PHF20: variants seen among roughly 807,000 people sequenced by gnomAD.
The protein encoded by PHF20 is PHD finger protein 20, also known as glioma-expressed antigen 2.
Under a neutral mutation model 113.5 loss-of-function variants are expected in PHF20, and 23 were observed. That is an observed-to-expected ratio of 0.20 (90% CI 0.15 to 0.29). The LOEUF is 0.29. Ranked by LOEUF, PHF20 falls within the 10% of genes least tolerant of loss-of-function variation. The pLI is 1.00. For missense variants in PHF20, 943 were observed against 1,219.6 expected (o/e 0.77, Z 3.38); for synonymous variants, 434 against 457.3 (o/e 0.95, Z 0.65).
At chr20:35,928,141 T>TA (rs972272701) in intron 14 of PHF20, among the ~76,000 whole-genome samples, 6 of 151,806 alleles carry the variant, frequency 4.0e-5, no homozygotes, top group African/African-American at 1.2e-4. Flanking sequence ...AATTATGGTT[T>TA]AAAAAAAATG....
At chr20:35,884,158 T>G (rs1239763647) in intron 9 of PHF20, among the ~76,000 whole-genome samples, 4 of 152,190 alleles carry the variant, frequency 2.6e-5, no homozygotes, top group Non-Finnish European at 5.9e-5. Context: ...CAGGAATGTA[T>G]TAACGTAAGT....
intron 14 of PHF20, among the ~76,000 whole-genome samples, chr20:35,930,041 G>A (rs2055721713): frequency 6.6e-6 from 1 of 152,214 alleles, no homozygotes; most frequent in African/African-American, 2.4e-5. Context: ...AGGTCATGTT[G>A]ATAAGTCACA....
rs1406541810 is a variant in PHF20, at chr20:35,949,639, T to G, written c.*2012T>G. ...CAAGTTCTTATAACCTCATTGTGCT[T>G]CCCTAATTTAAAGCCATGTTGAGGG... On this transcript the variant is annotated 3_prime_UTR_variant, in exon 18 of 18. Transcript: ENST00000374012. 2.6e-5 allele frequency: 4 copies of G among 152,764 alleles called. No individual in the cohort carries two copies. The East Asian group carries it at 7.7e-4, about 29-fold the overall frequency. The allele number at this position is 152,764 out of a possible 1,614,324, so 9.5% of individuals were successfully genotyped here.
chr20:35,862,990 C>A, intron 5 of PHF20, 23 bp from the exon 6 acceptor site: 1 of 1,534,880 alleles, frequency 6.5e-7, no homozygotes, highest in South Asian at 1.3e-5. Context: ...CGAAGTGTTT[C>A]ATCGCTATTT....
intron 1 of PHF20, among the ~76,000 whole-genome samples, chr20:35,784,429 A>G (rs374222557): frequency 7.0e-5 from 10 of 141,852 alleles, no homozygotes; most frequent in African/African-American, 2.0e-4. Context: ...AAATATCCCA[A>G]AGACTTTTTT....
At chr20:35,878,760 A>G in intron 9 of PHF20, 1 of 716,898 alleles carries the variant, frequency 1.4e-6, no homozygotes, top group Non-Finnish European at 2.5e-6. Context: ...TTGCTCTTGT[A>G]GGAGGAGCTT....
At position 35,931,376 on chromosome 20, in the gene PHF20, G is replaced by A; in HGVS notation, c.2232G>A (p.Gln744=). Reference sequence around the variant, plus strand: ...CCAAGAAGATCGTGGCCACCCACCAGCTTCTTGGTGATGTGCAGAGAGTGA... The same window carrying A: ...CCAAGAAGATCGTGGCCACCCACCAACTTCTTGGTGATGTGCAGAGAGTGA... ...QNAKKIVATH[Q]LLGDVQRVIE... is the part of the protein sequence containing the mutation. Residue 744 remains glutamine (Q), a synonymous_variant, in exon 15 of 18, where the codon CAG becomes CAA. Coordinates refer to ENST00000374012, the MANE Select transcript of PHF20 (RefSeq NM_016436.5). 6.2e-7 allele frequency: 1 copy of A among 1,614,072 alleles called. No individual in the cohort carries two copies. The highest frequency in any genetic ancestry group is 8.5e-7 in the Non-Finnish European group (1 of 1,180,022).
chr20:35,779,642 C>G (rs982759978), intron 1 of PHF20, among the ~76,000 whole-genome samples: 2 of 152,032 alleles, frequency 1.3e-5, no homozygotes, highest in African/African-American at 4.8e-5. Flanking sequence ...GCCTCAGCCT[C>G]CTGAGTAGCT....
At chr20:35,880,857 G>A (rs1458663947) in intron 9 of PHF20, among the ~76,000 whole-genome samples, 3 of 152,046 alleles carry the variant, frequency 2.0e-5, no homozygotes, top group Non-Finnish European at 4.4e-5. Context: ...CTACTCGAGA[G>A]GCTGAGGCAG....
intron 15 of PHF20, among the ~76,000 whole-genome samples, chr20:35,936,708 G>A (rs970106852): frequency 6.6e-6 from 1 of 152,092 alleles, no homozygotes; most frequent in Non-Finnish European, 1.5e-5. Context: ...GGTAATCATT[G>A]CATTTTTGTA....
At chr20:35,889,902 A>AT (rs1159626114) in intron 9 of PHF20, among the ~76,000 whole-genome samples, 1 of 150,104 alleles carries the variant, frequency 6.7e-6, no homozygotes, top group Non-Finnish European at 1.5e-5. Context: ...TAATTTTTGT[A>AT]TTTTTTGGTA....
chr20:35,796,562 G>A (rs1228459753), intron 1 of PHF20, among the ~76,000 whole-genome samples: 1 of 152,150 alleles, frequency 6.6e-6, no homozygotes, highest in East Asian at 1.9e-4. Context: ...TAGTGTACCT[G>A]TTTCCCCACA....
At chr20:35,859,944 C>T (rs1225701249) in intron 5 of PHF20, among the ~76,000 whole-genome samples, 2 of 151,664 alleles carry the variant, frequency 1.3e-5, no homozygotes, top group Admixed American at 6.6e-5. Context: ...TTTTTGAGAC[C>T]GAGTCTCTGT....
intron 2 of PHF20, among the ~76,000 whole-genome samples, chr20:35,810,629 G>C (rs550861773): frequency 1.3e-5 from 2 of 152,220 alleles, no homozygotes; most frequent in Admixed American, 6.6e-5. Context: ...ACAGTGGTAG[G>C]ACTAGGGTTT....
chr20:35,807,725 T>A (rs1446106481), intron 2 of PHF20, among the ~76,000 whole-genome samples: 1 of 152,206 alleles, frequency 6.6e-6, no homozygotes, highest in East Asian at 1.9e-4. Flanking sequence ...AAATTCAGTA[T>A]GTGGATTTTA....
chr20:35,802,302 T>C (rs181593983), intron 2 of PHF20, among the ~76,000 whole-genome samples: 1 of 152,138 alleles, frequency 6.6e-6, no homozygotes, highest in East Asian at 1.9e-4. Flanking sequence ...TTTTTGGTGC[T>C]CAAGGTGAGC....
chr20:35,864,667 A>G (rs533060363), intron 6 of PHF20, among the ~76,000 whole-genome samples: 2 of 152,102 alleles, frequency 1.3e-5, no homozygotes, highest in Non-Finnish European at 2.9e-5. Flanking sequence ...GAAATAAGGG[A>G]TCTTTCCCTG....
intron 1 of PHF20, among the ~76,000 whole-genome samples, chr20:35,777,397 C>G (rs76342162): frequency 1.4e-4 from 21 of 152,208 alleles, no homozygotes; most frequent in Non-Finnish European, 2.9e-4. Flanking sequence ...TTTTAGTCCC[C>G]TTCCCCAAGA....
intron 1 of PHF20, among the ~76,000 whole-genome samples, chr20:35,794,017 A>AAAAAAAAAAAAAAAAAT (rs2041616194): frequency 1.4e-5 from 2 of 140,760 alleles, no homozygotes; most frequent in Non-Finnish European, 1.5e-5. Flanking sequence ...AAAAAAAAAA[A>AAAAAAAAAAAAAAAAAT]GGCCAGGCGC....
Sources: gnomAD v4.1 joint callset for allele counts (sites outside exome capture counted in the v4.1 genomes callset) on GRCh38, gnomAD v4.1.1 for gene constraint, MANE v1.5 for transcripts, NCBI Gene and HGNC (gene_info 2026-07-23, HGNC 2026-07-21) for gene names.